POU6F2: variants seen among roughly 807,000 people sequenced by gnomAD.
The protein encoded by POU6F2 is POU domain, class 6, transcription factor 2.
POU6F2 carries 31 observed loss-of-function variants against 71.3 expected under a neutral mutation model. The observed-to-expected ratio is 0.43, with a 90% CI of 0.33 to 0.59. POU6F2 has a LOEUF of 0.59. POU6F2 is among the 20% of genes least tolerant of loss of function. POU6F2 has a pLI of 0.04. For missense variants in POU6F2, 783 were observed against 856.8 expected (o/e 0.91, Z 1.07); for synonymous variants, 347 against 355.7 (o/e 0.98, Z 0.27).
At chr7:39,344,133 G>A (rs148482270) in intron 5 of POU6F2, among the ~76,000 whole-genome samples, 208 of 152,216 alleles carry the variant, frequency 1.4e-3, no homozygotes, top group Non-Finnish European at 2.3e-3. Context: ...GGCCTCCCAC[G>A]TACCATCTTG....
intron 1 of POU6F2, among the ~76,000 whole-genome samples, chr7:38,986,353 G>T (rs555592026): frequency 6.6e-6 from 1 of 152,196 alleles, no homozygotes; most frequent in South Asian, 2.1e-4. Context: ...CATCAAGTTT[G>T]TGGTAAGAAT....
chr7:39,054,132 T>TA (rs1213317960), intron 1 of POU6F2, among the ~76,000 whole-genome samples: 1 of 151,968 alleles, frequency 6.6e-6, no homozygotes, highest in Admixed American at 6.6e-5. Flanking sequence ...AAAAGAAATT[T>TA]AAAAAAATCT....
chr7:39,301,613 A>AT (rs2128764761), intron 4 of POU6F2, among the ~76,000 whole-genome samples: 1 of 152,212 alleles, frequency 6.6e-6, no homozygotes, highest in African/African-American at 2.4e-5. Flanking sequence ...CCTGTCATGA[A>AT]TTTTTTGGAC....
rs1397484121 is a variant in POU6F2, at chr7:39,119,721, T to C, written c.277+33690T>C. 2.0e-5 allele frequency among the ~76,000 whole-genome samples: 3 copies of C among 152,234 alleles called. No homozygotes were observed. In the East Asian group the frequency reaches 5.8e-4, roughly 29 times the overall value. Reference sequence around the variant, plus strand: ...ATTTTAAAAATGTGTTGTATTACTTTTGTAAATATTAAAAATGAATTTTAA... The same window carrying C: ...ATTTTAAAAATGTGTTGTATTACTTCTGTAAATATTAAAAATGAATTTTAA... On this transcript the variant is annotated intron_variant, in intron 2 of 9. Coordinates refer to ENST00000518318, the MANE Select transcript of POU6F2 (RefSeq NM_001370959.1).
intron 1 of POU6F2, among the ~76,000 whole-genome samples, chr7:39,045,946 G>A (rs976439679): frequency 6.6e-6 from 1 of 151,840 alleles, no homozygotes; most frequent in East Asian, 1.9e-4. Context: ...GTGTAGAGAT[G>A]TTTTCACTTT....
intron 2 of POU6F2, among the ~76,000 whole-genome samples, chr7:39,139,858 A>G (rs1431959071): frequency 6.6e-6 from 1 of 152,194 alleles, no homozygotes; most frequent in Non-Finnish European, 1.5e-5. Flanking sequence ...TTTGCACTTA[A>G]CGGCTATTCT....
At chr7:39,169,693 C>G (rs567132678) in intron 2 of POU6F2, among the ~76,000 whole-genome samples, 3 of 152,112 alleles carry the variant, frequency 2.0e-5, no homozygotes, top group Non-Finnish European at 4.4e-5. Context: ...GAAAACTGAT[C>G]TGTAGTAGCC....
chr7:38,980,828 C>T (rs1788298020), intron 1 of POU6F2, among the ~76,000 whole-genome samples: 1 of 151,930 alleles, frequency 6.6e-6, no homozygotes, highest in Admixed American at 6.6e-5. Context: ...TTTTTTCATT[C>T]ACTCCTAGGA....
intron 1 of POU6F2, among the ~76,000 whole-genome samples, chr7:39,028,060 A>G (rs1789854588): frequency 6.6e-6 from 1 of 152,130 alleles, no homozygotes; most frequent in Non-Finnish European, 1.5e-5. Context: ...TGTATCTCAT[A>G]GTTCTCTAAT....
At chr7:39,172,252 A>G (rs1793230507) in intron 2 of POU6F2, among the ~76,000 whole-genome samples, 1 of 152,150 alleles carries the variant, frequency 6.6e-6, no homozygotes, top group Non-Finnish European at 1.5e-5. Flanking sequence ...TAAACTCTTT[A>G]GTCTTTTTAA....
chr7:39,416,517 G>T (rs772509999), intron 6 of POU6F2, among the ~76,000 whole-genome samples: 1 of 152,202 alleles, frequency 6.6e-6, no homozygotes, highest in African/African-American at 2.4e-5. Context: ...GCACAGTGAT[G>T]TTAGAATTGG....
At chr7:39,060,816 G>A (rs2128716005) in intron 1 of POU6F2, among the ~76,000 whole-genome samples, 1 of 152,180 alleles carries the variant, frequency 6.6e-6, no homozygotes, top group African/African-American at 2.4e-5. Flanking sequence ...CCGCATGCCT[G>A]TAGCCCCAGT....
At chr7:39,248,732 C>A (rs1783862751) in intron 4 of POU6F2, among the ~76,000 whole-genome samples, 1 of 152,196 alleles carries the variant, frequency 6.6e-6, no homozygotes, top group South Asian at 2.1e-4. Flanking sequence ...AAACACAAAG[C>A]AACCTTAATA....
intron 2 of POU6F2, among the ~76,000 whole-genome samples, chr7:39,094,258 G>C (rs1412956237): frequency 3.9e-5 from 6 of 152,028 alleles, no homozygotes; most frequent in African/African-American, 1.4e-4. Context: ...GAAATCTGGG[G>C]TTTTTGGACA....
intron 2 of POU6F2, among the ~76,000 whole-genome samples, chr7:39,139,466 C>A (rs1443252263): frequency 6.6e-6 from 1 of 152,190 alleles, no homozygotes; most frequent in Non-Finnish European, 1.5e-5. Flanking sequence ...GCTACAAAAG[C>A]AAACTACTAT....
chr7:39,216,008 A>G (rs1311146327), intron 4 of POU6F2, among the ~76,000 whole-genome samples: 1 of 152,220 alleles, frequency 6.6e-6, no homozygotes, highest in African/African-American at 2.4e-5. Flanking sequence ...CAAAGGGAGC[A>G]GGGAATGCCA....
chr7:39,021,437 G>A (rs186845347), intron 1 of POU6F2, among the ~76,000 whole-genome samples: 17 of 151,870 alleles, frequency 1.1e-4, no homozygotes, highest in African/African-American at 3.4e-4. Context: ...ACTAAGATAA[G>A]CATTTAGTAT....
intron 4 of POU6F2, among the ~76,000 whole-genome samples, chr7:39,259,585 G>T (rs1784092426): frequency 6.6e-6 from 1 of 152,116 alleles, no homozygotes; most frequent in African/African-American, 2.4e-5. Context: ...TGCCCTCCTG[G>T]AGTCAAAGGA....
chr7:39,112,483 C>T (rs1325284841), intron 2 of POU6F2, among the ~76,000 whole-genome samples: 2 of 152,036 alleles, frequency 1.3e-5, no homozygotes, highest in African/African-American at 4.8e-5. Flanking sequence ...ATTCTTTTTT[C>T]AATATGCTTA....
Sources: gnomAD v4.1 joint callset for allele counts (sites outside exome capture counted in the v4.1 genomes callset) on GRCh38, gnomAD v4.1.1 for gene constraint, MANE v1.5 for transcripts, NCBI Gene and HGNC (gene_info 2026-07-23, HGNC 2026-07-21) for gene names.